Variants in KDM5C observed in about 807,000 individuals in gnomAD.
The protein encoded by KDM5C is lysine demethylase 5C.
KDM5C carries 16 observed loss-of-function variants against 110.6 expected under a neutral mutation model. The observed-to-expected ratio is 0.14, with a 90% CI of 0.10 to 0.22. KDM5C has a LOEUF of 0.22. Ranked by LOEUF, KDM5C falls within the 10% of genes least tolerant of loss-of-function variation. The pLI, the probability that KDM5C is intolerant of heterozygous loss-of-function variation, is 1.00. For synonymous variants in KDM5C, 511 were observed against 520.4 expected (o/e 0.98, Z 0.24); for missense variants, 681 against 1,300.9 (o/e 0.52, Z 7.33).
chrX:53,211,315 G>T (rs782569573), intron 10 of KDM5C, among the ~76,000 whole-genome samples, 182 bp downstream of exon 10: 1 of 112,150 alleles, frequency 8.9e-6, no homozygotes, highest in South Asian at 3.7e-4. Context: ...AGAGGCGAAA[G>T]AACCCATCTC....
At chrX:53,209,816 A>G (rs1264927790) in intron 12 of KDM5C, among the ~76,000 whole-genome samples, 1 of 112,448 alleles carries the variant, frequency 8.9e-6, no homozygotes, top group Non-Finnish European at 1.9e-5. Context: ...AGGGTAAGAA[A>G]GAAGTACACA....
At chrX:53,208,341 GT>G (rs1259785544) in intron 12 of KDM5C, among the ~76,000 whole-genome samples, 1 of 105,890 alleles carries the variant, frequency 9.4e-6, no homozygotes, top group Non-Finnish European at 1.9e-5. Flanking sequence ...CTGTGATAAA[GT>G]TTTTTAAAAA....
At chrX:53,186,309 CG>C (rs1280691764) in intron 25 of KDM5C, among the ~76,000 whole-genome samples, 1 of 111,451 alleles carries the variant, frequency 9.0e-6, no homozygotes, top group East Asian at 2.8e-4. Context: ...GTGGCAATAT[CG>C]TGACAACAGG....
intron 3 of KDM5C, 151 bp downstream of exon 3, chrX:53,218,125 T>C: frequency 1.2e-6 from 1 of 864,292 alleles, no homozygotes; most frequent in Non-Finnish European, 1.7e-6. Flanking sequence ...AGCAAAAGAT[T>C]CCAAGATGTT....
At chrX:53,202,073 G>C in intron 12 of KDM5C, 100 bp from the exon 13 acceptor site, 3 of 1,019,152 alleles carry the variant, frequency 2.9e-6, no homozygotes, top group Middle Eastern at 3.7e-4. Flanking sequence ...AAAAGCCTCA[G>C]GGAACACAGT....
chrX:53,200,047 G>A (rs1282825123), intron 14 of KDM5C, among the ~76,000 whole-genome samples: 3 of 110,930 alleles, frequency 2.7e-5, no homozygotes, highest in Non-Finnish European at 5.7e-5. Context: ...GTTGTTATGA[G>A]GATTAACAAA....
At chrX:53,197,458 C>T (rs1229577035) in intron 18 of KDM5C, among the ~76,000 whole-genome samples, 1 of 110,234 alleles carries the variant, frequency 9.1e-6, no homozygotes, top group Non-Finnish European at 1.9e-5. Context: ...ACTCCTCCTC[C>T]ACCTTCATGA....
chrX:53,176,345 T>C (rs781973759), exon 26 of KDM5C, among the ~76,000 whole-genome samples: 2 of 111,697 alleles, frequency 1.8e-5, no homozygotes, highest in East Asian at 5.6e-4. Flanking sequence ...CTCAAATCCA[T>C]CTCTCCAATT....
intron 12 of KDM5C, chrX:53,202,271 C>T (rs2073165228): frequency 3.6e-6 from 1 of 275,294 alleles, no homozygotes; most frequent in Non-Finnish European, 6.5e-6. Context: ...GCTGGACAAG[C>T]TTTTTTAGTT....
At chrX:53,180,429 T>A (rs1459450098) in intron 25 of KDM5C, among the ~76,000 whole-genome samples, 1 of 111,632 alleles carries the variant, frequency 9.0e-6, no homozygotes, top group Admixed American at 9.6e-5. Context: ...GCTATGTACT[T>A]GACCAATTAT....
Position 53,196,135 on chromosome X carries a change from G to C in KDM5C, c.2982-81C>G, listed in dbSNP as rs1351768920. The C allele has an allele frequency of 5.6e-6, 6 of 1,071,961 alleles. No homozygotes were observed. The African/African-American group carries it at 9.1e-5, about 16-fold the overall frequency. 88.3% of individuals were successfully genotyped at this position (1,071,961 alleles called of 1,213,427 possible). A position where few individuals can be genotyped will look rare whatever the true frequency, so the allele number is the denominator to read the frequency against. On this transcript the variant is annotated intron_variant, in intron 19 of 25. Transcript: ENST00000375401. The stretch of plus-strand genomic sequence containing the variant: ...CCCAGCCTGACCACCAGATATATCT[G>C]CATGGGCCCCTTGGGTGTCTGTTAT...
rs782145741 is a variant in KDM5C at position 53,224,932 on chromosome X, G to C, written c.-43C>G. ...GGCCAGGGATCGGGAGGCTTGGACC[G>C]CCCTTAAGGACTCATGGCGCCGCCG... is the stretch of plus-strand genomic sequence containing the variant. On this transcript the variant is annotated 5_prime_UTR_variant, in exon 1 of 26. Transcript: ENST00000375401. 1 of 1,164,915 alleles carries C rather than the reference G, an allele frequency of 8.6e-7. No individual in the cohort carries two copies. The highest frequency in any genetic ancestry group is 1.9e-5 in the South Asian group (1 of 52,132).
In KDM5C at chrX:53,214,863, A is replaced by T. The variant is rs1556850903; in HGVS notation, c.964-16T>A. On this transcript the variant is annotated splice_polypyrimidine_tract_variant and intron_variant, in intron 7 of 25. Coordinates refer to ENST00000375401, the MANE Select transcript of KDM5C (RefSeq NM_004187.5). ...ATGACTCAATCTGCCAGGGGAGAAG[A>T]GCAAAAGTTCTCCATTGGAAATCCA... 8.3e-7 allele frequency: 1 copy of T among 1,209,325 alleles called. No individual in the cohort carries two copies. The highest frequency in any genetic ancestry group is 2.3e-4 in the Middle Eastern group (1 of 4,349).
intron 12 of KDM5C, among the ~76,000 whole-genome samples, chrX:53,204,690 G>T (rs1049762264): frequency 9.0e-6 from 1 of 111,349 alleles, no homozygotes; most frequent in Non-Finnish European, 1.9e-5. Flanking sequence ...TAGAGACGGG[G>T]TTTCACTGTG....
chrX:53,195,482 T>C, intron 20 of KDM5C, 72 bp from the exon 21 acceptor site: 1 of 1,006,686 alleles, frequency 9.9e-7, no homozygotes, highest in Non-Finnish European at 1.4e-6. Context: ...TGCCTGGCCC[T>C]GAGCTGGAAA....
intron 8 of KDM5C, among the ~76,000 whole-genome samples, chrX:53,213,629 C>T (rs1009596084): frequency 1.8e-5 from 2 of 111,500 alleles, no homozygotes; most frequent in Non-Finnish European, 3.8e-5. Context: ...TCCTGCTAGT[C>T]CTCCACCTCC....
chrX:53,190,519 C>T (rs1039218805), downstream of KDM5C, among the ~76,000 whole-genome samples: 1 of 111,998 alleles, frequency 8.9e-6, no homozygotes, highest in African/African-American at 3.2e-5. Flanking sequence ...TGAGATTGAG[C>T]CCCTTCCTGC....
intron 10 of KDM5C, 131 bp downstream of exon 10, chrX:53,211,366 T>C (rs1240304072): frequency 2.8e-6 from 2 of 703,010 alleles, no homozygotes; most frequent in African/African-American, 4.3e-5. Flanking sequence ...TTCTTTCATC[T>C]CATCTAAATC....
chrX:53,194,721 C>T lies in KDM5C; in HGVS notation c.3456G>A (p.Glu1152=). The change falls in exon 23 of 26, where the codon GAG becomes GAA. Residue 1152 remains glutamate, a synonymous_variant. Transcript: ENST00000375401. ...TACCCTCCTTCTCCTTCTGTTCCCC[C>T]TCCTTGAAGGCCACGATCTGCCATA... is the stretch of plus-strand genomic sequence containing the variant. ...DPGSVIVAFK[E]GEQKEKEGIL... 1.7e-6 allele frequency: 2 copies of T among 1,211,061 alleles called. No individual in the cohort carries two copies. Among genetic ancestry groups the T allele is most frequent in the South Asian group, 3.5e-5 (2 of 56,882 alleles).
Sources: allele counts gnomAD v4.1 joint callset (sites outside exome capture counted in the v4.1 genomes callset), GRCh38; gene constraint gnomAD v4.1.1; transcripts MANE v1.5; gene names NCBI Gene and HGNC (gene_info 2026-07-23, HGNC 2026-07-21).